CCDC91: variants seen among roughly 807,000 people sequenced by gnomAD.
The protein encoded by CCDC91 is coiled-coil domain containing 91, also known as coiled-coil domain-containing protein 91.
In CCDC91, 48 loss-of-function variants were observed where a neutral mutation model predicts 63.2. The ratio of observed to expected loss-of-function variants is 0.76; its 90% CI spans 0.60 to 0.97. CCDC91 has a LOEUF of 0.97. CCDC91 is among the 50% of genes least tolerant of loss of function. The pLI is 0.00. For synonymous variants in CCDC91, 167 were observed against 165.8 expected (o/e 1.01, Z -0.06); for missense variants, 500 against 494.6 (o/e 1.01, Z -0.10).
Position 28,200,404 on chromosome 12 carries a change from T to C in CCDC91, c.-15+9763T>C, listed in dbSNP as rs1565596354. On this transcript the variant is annotated intron_variant, in intron 1 of 12. Coordinates refer to ENST00000536442, the MANE Select transcript of CCDC91 (RefSeq NM_018318.5). Reference sequence around the variant, plus strand: ...AGATAAACAAGTGAACAAAGGTCTCTGGTTTTCCTAGGCAGAGGACCCTGC... The same window carrying C: ...AGATAAACAAGTGAACAAAGGTCTCCGGTTTTCCTAGGCAGAGGACCCTGC... Among the ~76,000 whole-genome samples, 15 of 147,914 alleles carry C rather than the reference T, an allele frequency of 1.0e-4. No individual in the cohort carries two copies. The South Asian group carries it at 3.3e-3, about 33-fold the overall frequency.
At chr12:28,351,220 A>G (rs1281305869) in intron 6 of CCDC91, among the ~76,000 whole-genome samples, 1 of 152,202 alleles carries the variant, frequency 6.6e-6, no homozygotes, top group Non-Finnish European at 1.5e-5. Flanking sequence ...GTGTGATCAA[A>G]GTTCTTTTAT....
chr12:28,286,148 A>C (rs1388090733), intron 3 of CCDC91, among the ~76,000 whole-genome samples: 2 of 152,064 alleles, frequency 1.3e-5, no homozygotes, highest in Non-Finnish European at 2.9e-5. Flanking sequence ...TTAAACTTCC[A>C]ATAAAGAAGT....
intron 1 of CCDC91, among the ~76,000 whole-genome samples, chr12:28,229,300 T>A (rs1944452186): frequency 6.6e-6 from 1 of 152,106 alleles, no homozygotes; most frequent in African/African-American, 2.4e-5. Context: ...CTTTTATTGA[T>A]TTATTCAACA....
chr12:28,452,356 G>A lies in CCDC91; in HGVS notation c.925-122G>A, dbSNP rs539859566. 26 of 543,262 alleles carry A rather than the reference G, an allele frequency of 4.8e-5. 1 individual carries two copies. The highest frequency in any genetic ancestry group is 3.2e-4 in the African/African-American group (16 of 50,686). 33.7% of individuals were successfully genotyped at this position (543,262 alleles called of 1,614,324 possible). On this transcript the variant is annotated intron_variant, in intron 10 of 12. Transcript: ENST00000536442. ...CAGTTATTTACTATGCATAAAAACA[G>A]CAATGTTAGAACTAAACACTATAGG...
intron 3 of CCDC91, among the ~76,000 whole-genome samples, chr12:28,293,778 G>A (rs1949389199): frequency 6.6e-6 from 1 of 151,672 alleles, no homozygotes; most frequent in Non-Finnish European, 1.5e-5. Context: ...ACCCAGGCTG[G>A]AGTACAATGA....
intron 12 of CCDC91, among the ~76,000 whole-genome samples, chr12:28,519,136 G>C (rs747386888): frequency 6.6e-6 from 1 of 151,880 alleles, no homozygotes; most frequent in Admixed American, 6.6e-5. Context: ...ATTGCTTTTG[G>C]CAGTATGATC....
At chr12:28,408,912 G>T (rs1444263725) in intron 8 of CCDC91, among the ~76,000 whole-genome samples, 1 of 152,028 alleles carries the variant, frequency 6.6e-6, no homozygotes, top group African/African-American at 2.4e-5. Context: ...CAAAGTGCTG[G>T]GATTACAGGG....
intron 6 of CCDC91, among the ~76,000 whole-genome samples, chr12:28,336,874 A>G (rs763336368): frequency 1.9e-4 from 29 of 152,126 alleles, no homozygotes; most frequent in Non-Finnish European, 3.7e-4. Flanking sequence ...AAATTTGATA[A>G]CTATTCAAAC....
In CCDC91 at chr12:28,452,559, G is replaced by A; in HGVS notation, c.1006G>A (p.Glu336Lys). 6.3e-7 allele frequency: 1 copy of A among 1,591,818 alleles called. No individual in the cohort carries two copies. Among genetic ancestry groups the A allele is most frequent in the Non-Finnish European group, 8.6e-7 (1 of 1,168,806 alleles). The change falls in exon 11 of 13, where the codon GAA becomes AAA. Residue 336 changes from glutamate to lysine, a missense_variant. Glu to Lys is a moderately conservative substitution (Grantham distance 56). Coordinates refer to ENST00000536442, the MANE Select transcript of CCDC91 (RefSeq NM_018318.5). ...AAATTTAGAAAAAGCGCATGCTGAAGAAAGGGAATTATGGAAGACAGAACA... is the reference window on the plus strand; with the variant it reads ...AAATTTAGAAAAAGCGCATGCTGAAAAAAGGGAATTATGGAAGACAGAACA... ...RKNLEKAHAE[E>K]RELWKTEHAK...
At chr12:28,452,247 C>A (rs182126107) in intron 10 of CCDC91, among the ~76,000 whole-genome samples, 1 of 151,504 alleles carries the variant, frequency 6.6e-6, no homozygotes, top group East Asian at 1.9e-4. Context: ...CACCCTAAGG[C>A]CTGATTTCTT....
chr12:28,463,791 A>C (rs2140497904), intron 11 of CCDC91, among the ~76,000 whole-genome samples: 1 of 152,304 alleles, frequency 6.6e-6, no homozygotes, highest in Non-Finnish European at 1.5e-5. Context: ...AATGAACAAA[A>C]AACTTTTTTT....
At chr12:28,436,571 C>G (rs1051263016) in intron 8 of CCDC91, among the ~76,000 whole-genome samples, 5 of 151,646 alleles carry the variant, frequency 3.3e-5, no homozygotes, top group Non-Finnish European at 7.4e-5. Flanking sequence ...ACACTTATTA[C>G]TTCTCTAGTG....
intron 8 of CCDC91, among the ~76,000 whole-genome samples, chr12:28,414,777 T>C (rs1024948813): frequency 1.3e-5 from 2 of 152,120 alleles, no homozygotes; most frequent in Non-Finnish European, 2.9e-5. Flanking sequence ...AGAAAAATAT[T>C]GTGGTCTTGG....
intron 12 of CCDC91, among the ~76,000 whole-genome samples, chr12:28,525,369 C>T (rs1228983776): frequency 2.0e-5 from 3 of 152,052 alleles, no homozygotes; most frequent in South Asian, 2.1e-4. Context: ...AATGATCATT[C>T]GGGAGCAAGT....
At chr12:28,457,337 G>A (rs1053089769) in intron 11 of CCDC91, among the ~76,000 whole-genome samples, 8 of 151,740 alleles carry the variant, frequency 5.3e-5, no homozygotes, top group African/African-American at 9.7e-5. Flanking sequence ...CTTGGAAGCC[G>A]TTTTTGAATT....
intron 12 of CCDC91, among the ~76,000 whole-genome samples, chr12:28,531,984 AAGTG>A (rs1313217945): frequency 6.6e-6 from 1 of 152,116 alleles, no homozygotes; most frequent in Non-Finnish European, 1.5e-5. Flanking sequence ...CTTTTAGATA[AAGTG>A]AGTGAGATCA....
intron 11 of CCDC91, among the ~76,000 whole-genome samples, chr12:28,469,588 C>A (rs575881297): frequency 6.6e-6 from 1 of 151,944 alleles, no homozygotes; most frequent in Non-Finnish European, 1.5e-5. Flanking sequence ...AAAAAAAATC[C>A]TGTAATTTAT....
intron 6 of CCDC91, among the ~76,000 whole-genome samples, chr12:28,336,658 GAA>G (rs1377248374): frequency 6.6e-6 from 1 of 152,032 alleles, no homozygotes; most frequent in African/African-American, 2.4e-5. Context: ...TCCTAGAAAT[GAA>G]GAGTCATTTT....
rs567248625 is a variant in CCDC91, at chr12:28,502,472, A to T, written c.1215+18307A>T. Among the ~76,000 whole-genome samples the T allele has an allele frequency of 5.5e-3, 840 of 151,870 alleles. 8 individuals carry two copies. Among genetic ancestry groups the T allele is most frequent in the African/African-American group, 0.02 (816 of 41,500 alleles). The stretch of plus-strand genomic sequence containing the variant: ...GGAACAACATTCCATGCTCATGGGT[A>T]GGAAGAATCAATATCGTGAAAATGG... On this transcript the variant is annotated intron_variant, in intron 12 of 12. Transcript: ENST00000536442.
Sources: gnomAD v4.1 joint callset for allele counts (sites outside exome capture counted in the v4.1 genomes callset) on GRCh38, gnomAD v4.1.1 for gene constraint, MANE v1.5 for transcripts, NCBI Gene and HGNC (gene_info 2026-07-23, HGNC 2026-07-21) for gene names.